BAZ2B: variants seen among roughly 807,000 people sequenced by gnomAD.
The protein encoded by BAZ2B is bromodomain adjacent to zinc finger domain 2B, also known as bromodomain adjacent to zinc finger domain protein 2B.
Under a neutral mutation model 246.0 loss-of-function variants are expected in BAZ2B, and 91 were observed. That is an observed-to-expected ratio of 0.37 (90% CI 0.31 to 0.44). BAZ2B has a LOEUF of 0.44. Ranked by LOEUF, BAZ2B falls within the 20% of genes least tolerant of loss-of-function variation. The probability of loss-of-function intolerance (pLI) is 1.00; values close to 1 mark genes in which losing one functional copy is unlikely to be tolerated. For missense variants in BAZ2B, 2,332 were observed against 2,533.7 expected (o/e 0.92, Z 1.71); for synonymous variants, 855 against 860.0 (o/e 0.99, Z 0.10).
rs746075826 is a variant in BAZ2B at position 159,438,389 on chromosome 2, C to A, written c.1207G>T (p.Val403Phe). The change falls in exon 8 of 37, where the codon GTT becomes TTT. Residue 403 changes from valine to phenylalanine, a missense_variant. Val to Phe is a conservative substitution (Grantham distance 50). Around this residue, in one of 9 missense-constraint regions of BAZ2B, gnomAD observed 651 missense variants for 650.9 expected, o/e 1.00. Transcript: ENST00000392783. ...GCTTTAAGAACATCAGGAGAAGGAA[C>A]TATGAGTTTCATGTAAGTTTCCTTT... The part of the protein sequence containing the change: ...AKKETYMKLI[V>F]PSPDVLKAGN... 3.1e-6 allele frequency: 5 copies of A among 1,614,134 alleles called. No individual in the cohort carries two copies. The highest frequency in any genetic ancestry group is 4.2e-6 in the Non-Finnish European group (5 of 1,179,982).
At chr2:159,451,425 T>C (rs1429353793) in intron 4 of BAZ2B, among the ~76,000 whole-genome samples, 1 of 152,196 alleles carries the variant, frequency 6.6e-6, no homozygotes, top group African/African-American at 2.4e-5. Context: ...GTCTGGCAAT[T>C]TGGTTACCCT....
intron 21 of BAZ2B, among the ~76,000 whole-genome samples, chr2:159,388,770 C>T (rs961517700): frequency 1.1e-4 from 16 of 151,900 alleles, no homozygotes; most frequent in African/African-American, 3.4e-4. Flanking sequence ...TTTAAATATC[C>T]ATAGGGATGT....
At chr2:159,533,760 C>G (rs1330500549) in intron 2 of BAZ2B, among the ~76,000 whole-genome samples, 1 of 152,150 alleles carries the variant, frequency 6.6e-6, no homozygotes, top group Non-Finnish European at 1.5e-5. Flanking sequence ...ACTAGCTGGT[C>G]ATTCATTAAA....
chr2:159,658,478 C>T, the BAZ2B span, among the ~76,000 whole-genome samples: 5 of 152,150 alleles, frequency 3.3e-5, no homozygotes, highest in Middle Eastern at 3.4e-3. Flanking sequence ...GAACCACAAG[C>T]GTGTACCACC....
chr2:159,379,068 A>G (rs1249879527), intron 25 of BAZ2B, among the ~76,000 whole-genome samples: 1 of 152,200 alleles, frequency 6.6e-6, no homozygotes, highest in Non-Finnish European at 1.5e-5. Flanking sequence ...TGTTATTCAC[A>G]ATGGCCAAAT....
intron 2 of BAZ2B, among the ~76,000 whole-genome samples, chr2:159,541,563 G>A (rs1182610285): frequency 6.6e-6 from 1 of 152,118 alleles, no homozygotes; most frequent in African/African-American, 2.4e-5. Flanking sequence ...ACAGGTGTGA[G>A]CCACTGCGGC....
chr2:159,379,364 T>C (rs923639658), intron 25 of BAZ2B, among the ~76,000 whole-genome samples: 7 of 152,128 alleles, frequency 4.6e-5, no homozygotes, highest in Non-Finnish European at 1.0e-4. Context: ...TCCTATTTAA[T>C]GGGTGTGAAG....
chr2:159,559,834 A>G (rs2089637669), intron 1 of BAZ2B, among the ~76,000 whole-genome samples: 2 of 152,358 alleles, frequency 1.3e-5, no homozygotes, highest in East Asian at 3.8e-4. Flanking sequence ...ACATATAAAA[A>G]GTAATGTTAC....
chr2:159,415,802 T>C (rs938983389), intron 13 of BAZ2B, among the ~76,000 whole-genome samples: 1 of 152,220 alleles, frequency 6.6e-6, no homozygotes, highest in Non-Finnish European at 1.5e-5. Context: ...AGTTAATGGG[T>C]ACTAAATTGT....
chr2:159,519,125 T>C (rs577562988), intron 2 of BAZ2B, among the ~76,000 whole-genome samples: 3 of 151,744 alleles, frequency 2.0e-5, no homozygotes, highest in African/African-American at 7.2e-5. Flanking sequence ...GTGCAATTCT[T>C]ATCTGGATCT....
intron 2 of BAZ2B, among the ~76,000 whole-genome samples, chr2:159,496,979 C>T (rs2081241181): frequency 6.6e-6 from 1 of 151,882 alleles, no homozygotes. Flanking sequence ...AATCTCTATG[C>T]TGGTTTAGTC....
At chr2:159,695,062 T>A in the BAZ2B span, 1 of 152,252 alleles carries the variant, frequency 6.6e-6, no homozygotes, top group Non-Finnish European at 1.5e-5. Flanking sequence ...TACATTTCCC[T>A]AATGACTGCT....
At chr2:159,451,523 C>T (rs921478431) in intron 4 of BAZ2B, among the ~76,000 whole-genome samples, 11 of 152,156 alleles carry the variant, frequency 7.2e-5, no homozygotes, top group African/African-American at 2.7e-4. Flanking sequence ...GAAAACTAGG[C>T]ATAGTCTCTG....
chr2:159,418,481 G>C (rs2068153455), intron 13 of BAZ2B, among the ~76,000 whole-genome samples: 1 of 152,098 alleles, frequency 6.6e-6, no homozygotes, highest in South Asian at 2.1e-4. Context: ...ATGTGGTTTA[G>C]CAGCCACATG....
the BAZ2B span, among the ~76,000 whole-genome samples, chr2:159,661,260 T>C: frequency 9.2e-5 from 14 of 152,230 alleles, no homozygotes; most frequent in Non-Finnish European, 1.6e-4. Flanking sequence ...CATATTGTAA[T>C]GTGTGAATAG....
intron 20 of BAZ2B, among the ~76,000 whole-genome samples, chr2:159,392,424 T>C (rs2063460514): frequency 6.6e-6 from 1 of 152,092 alleles, no homozygotes; most frequent in African/African-American, 2.4e-5. Flanking sequence ...CCATATAACT[T>C]ATTATAGCAT....
intron 31 of BAZ2B, among the ~76,000 whole-genome samples, chr2:159,345,639 A>G (rs968668666): frequency 6.6e-6 from 1 of 152,210 alleles, no homozygotes; most frequent in African/African-American, 2.4e-5. Flanking sequence ...TAAAAGCCTG[A>G]TGATACACTT....
In BAZ2B at chr2:159,398,812, T is replaced by A; in HGVS notation, c.2964+17A>T. The A allele has an allele frequency of 6.2e-7, 1 of 1,602,810 alleles. No individual in the cohort carries two copies. Among genetic ancestry groups the A allele is most frequent in the Non-Finnish European group, 8.5e-7 (1 of 1,175,186 alleles). On this transcript the variant is annotated intron_variant, in intron 18 of 36. Transcript: ENST00000392783. ...TATTTTTCAAAAATAAAAACTCTGA[T>A]TCTCATCTAAACTAACCTTTATTCG...
At chr2:159,572,709 T>C (rs1684320299) in intron 1 of BAZ2B, among the ~76,000 whole-genome samples, 2 of 152,310 alleles carry the variant, frequency 1.3e-5, no homozygotes, top group Non-Finnish European at 1.5e-5. Context: ...AGATAGTGCT[T>C]GCTTTTATAT....
Sources: gnomAD v4.1 joint callset for allele counts (sites outside exome capture counted in the v4.1 genomes callset) on GRCh38, gnomAD v4.1.1 for gene constraint, gnomAD v4.1.1 regional missense constraint, MANE v1.5 for transcripts, NCBI Gene and HGNC (gene_info 2026-07-23, HGNC 2026-07-21) for gene names.